DYSF: variants seen among roughly 807,000 people sequenced by gnomAD.
DYSF encodes the protein dystrophy-associated fer-1-like 1.
A neutral mutation model predicts 274.9 loss-of-function variants in DYSF; 212 were observed. That is an observed-to-expected ratio of 0.77 (90% CI 0.69 to 0.86). DYSF has a LOEUF of 0.86. DYSF is among the 40% of genes least tolerant of loss of function. The pLI is 0.00. For synonymous variants in DYSF, 1,091 were observed against 1,078.7 expected, an observed-to-expected ratio of 1.01 and a Z score of -0.22; for missense variants, 2,666 against 2,783.2, an observed-to-expected ratio of 0.96 and a Z score of 0.95.
intron 1 of DYSF, among the ~76,000 whole-genome samples, chr2:71,474,825 T>C (rs1390515606): frequency 6.6e-6 from 1 of 152,090 alleles, no homozygotes. Context: ...TATCGCTCAG[T>C]TAAGGAAGCC....
chr2:71,460,554 G>C (rs755946108), intron 1 of DYSF, among the ~76,000 whole-genome samples: 1 of 152,118 alleles, frequency 6.6e-6, no homozygotes, highest in Non-Finnish European at 1.5e-5. Flanking sequence ...ATGTCCCCTC[G>C]GGAGGAAGCC....
At chr2:71,472,954 C>T (rs2082143018) in intron 1 of DYSF, among the ~76,000 whole-genome samples, 1 of 152,124 alleles carries the variant, frequency 6.6e-6, no homozygotes, top group Non-Finnish European at 1.5e-5. Flanking sequence ...ATATCTTCCC[C>T]AGTTCTAATG....
intron 52 of DYSF, among the ~76,000 whole-genome samples, chr2:71,678,352 A>G (rs1031144690): frequency 3.9e-5 from 6 of 152,228 alleles, no homozygotes; most frequent in African/African-American, 9.6e-5. Flanking sequence ...TAAAAAAAAT[A>G]CAGATTAAAA....
chr2:71,575,509 T>G (rs1488416051), intron 30 of DYSF, among the ~76,000 whole-genome samples: 1 of 151,870 alleles, frequency 6.6e-6, no homozygotes, highest in Non-Finnish European at 1.5e-5. Flanking sequence ...CAGGATAGGA[T>G]GGAATTGCTG....
At chr2:71,685,757 T>A (rs2095349138) in intron 55 of DYSF, among the ~76,000 whole-genome samples, 1 of 152,206 alleles carries the variant, frequency 6.6e-6, no homozygotes, top group Non-Finnish European at 1.5e-5. Context: ...CGGCTCTGTT[T>A]CCAGAGTTGG....
chr2:71,680,870 T>G, intron 53 of DYSF, 131 bp from the exon 54 acceptor site: 2 of 768,454 alleles, frequency 2.6e-6, no homozygotes, highest in South Asian at 3.1e-5. Context: ...GGTGCTGCTT[T>G]TATGTTCAGA....
intron 40 of DYSF, among the ~76,000 whole-genome samples, chr2:71,614,982 C>A (rs1290975134): frequency 6.6e-6 from 1 of 152,178 alleles, no homozygotes; most frequent in Non-Finnish European, 1.5e-5. Context: ...GCTGCCTGCT[C>A]CTGGCTCCTG....
intron 40 of DYSF, among the ~76,000 whole-genome samples, chr2:71,618,473 A>AG (rs2093990114): frequency 1.5e-5 from 1 of 67,256 alleles, no homozygotes; most frequent in African/African-American, 5.9e-5. Flanking sequence ...TGTGTGGTAG[A>AG]GGTGTGTGTG....
At chr2:71,462,453 C>T (rs775792893), upstream of DYSF, among the ~76,000 whole-genome samples, 14 of 151,676 alleles carry the variant, frequency 9.2e-5, no homozygotes, top group East Asian at 1.9e-4. Context: ...AGTGCTGAAG[C>T]TTTATCTCGT....
chr2:71,677,316 C>T (rs758202152), intron 52 of DYSF, among the ~76,000 whole-genome samples: 9 of 152,140 alleles, frequency 5.9e-5, no homozygotes, highest in Non-Finnish European at 8.8e-5. Flanking sequence ...AACACCTTTG[C>T]ATGGTGTTTG....
chr2:71,601,474 C>T (rs376306530), intron 34 of DYSF, 25 bp from the exon 35 acceptor site: 2 of 1,614,146 alleles, frequency 1.2e-6, no homozygotes, highest in Non-Finnish European at 1.7e-6. Context: ...AGCACATGAC[C>T]AGAGCTCTCT....
In DYSF at chr2:71,562,181, G is replaced by A. The variant is rs60769782; in HGVS notation, c.2409+237G>A. 5.8e-3 allele frequency among the ~76,000 whole-genome samples: 887 copies of A among 152,280 alleles called. 16 individuals are homozygous for A. Among genetic ancestry groups the A allele is most frequent in the African/African-American group, 0.02 (847 of 41,560 alleles). ...CCAGCACAGAGCCTGGCACACAATAGGTAACTAATAAATGCCCTCTGTTTG... is the reference window on the plus strand; with the variant it reads ...CCAGCACAGAGCCTGGCACACAATAAGTAACTAATAAATGCCCTCTGTTTG... On this transcript the variant is annotated intron_variant, in intron 23 of 55. Transcript: ENST00000410020.
chr2:71,550,185 A>G lies in DYSF; in HGVS notation c.1577-856A>G, dbSNP rs1009219000. Among the ~76,000 whole-genome samples, 4 of 152,152 alleles carry G rather than the reference A, an allele frequency of 2.6e-5. No individual in the cohort carries two copies. The South Asian group carries it at 6.2e-4, about 24-fold the overall frequency. On this transcript the variant is annotated intron_variant, in intron 17 of 55. Coordinates refer to ENST00000410020, the MANE Select transcript of DYSF (RefSeq NM_001130987.2). The stretch of plus-strand genomic sequence containing the variant: ...TTCTACCTTTGGCATTTTGGAAACA[A>G]CCTCTTCCCCATTCCTCTGAAAGGG...
Position 71,590,262 on chromosome 2 carries a change from C to T in DYSF, c.3548C>T (p.Ala1183Val). 1.2e-6 allele frequency: 2 copies of T among 1,614,156 alleles called. No individual in the cohort carries two copies. The highest frequency in any genetic ancestry group is 1.7e-6 in the Non-Finnish European group (2 of 1,180,026). Residue 1183 changes from alanine (A) to valine (V), a missense_variant, in exon 32 of 56, where the codon GCT (alanine) becomes GTT (valine). Physicochemically the swap from Ala to Val is moderately conservative, Grantham distance 64. Transcript: ENST00000410020. ...TACATGTACCAGGCCCGGGACCTGGCTGCGATGGACAAGGACTCTTTTTCT... is the reference window on the plus strand; with the variant it reads ...TACATGTACCAGGCCCGGGACCTGGTTGCGATGGACAAGGACTCTTTTTCT... ...RCYMYQARDL[A>V]AMDKDSFSDP...
chr2:71,620,263 G>A (rs1045117268), intron 40 of DYSF, among the ~76,000 whole-genome samples: 2 of 152,192 alleles, frequency 1.3e-5, no homozygotes, highest in African/African-American at 2.4e-5. Flanking sequence ...CTTGTGCTGG[G>A]CGTGCACAGC....
At chr2:71,633,860 T>C (rs1394843610) in intron 41 of DYSF, among the ~76,000 whole-genome samples, 1 of 152,194 alleles carries the variant, frequency 6.6e-6, no homozygotes. Flanking sequence ...TGTCTCCTGC[T>C]TCCTGACTTC....
chr2:71,602,888 T>G, intron 36 of DYSF, 83 bp downstream of exon 36: 1 of 1,531,964 alleles, frequency 6.5e-7, no homozygotes, highest in South Asian at 1.1e-5. Context: ...CCTGGAGCCT[T>G]CCAGGTTCCT....
upstream of DYSF, among the ~76,000 whole-genome samples, chr2:71,466,222 C>T (rs2081520445): frequency 6.6e-6 from 1 of 152,164 alleles, no homozygotes. Context: ...GCGGGGGGCT[C>T]GGGGTGCACG....
At position 71,466,910 on chromosome 2, in the gene DYSF, C is replaced by G. The variant is rs1387187109; in HGVS notation, c.68C>G (p.Pro23Arg). 5 of 1,550,056 alleles carry G rather than the reference C, an allele frequency of 3.2e-6. No individual in the cohort carries two copies. The East Asian group carries it at 1.2e-4, about 38-fold the overall frequency. Residue 23 changes from proline to arginine, a missense_variant, in exon 1 of 56, where the codon CCT (proline) becomes CGT (arginine). This residue lies in a region of DYSF where 794 missense variants were observed against 777.1 expected (regional missense o/e 1.02). Transcript: ENST00000410020. The stretch of plus-strand genomic sequence containing the variant: ...GCGAAGAAGGACCGGCGCAGCGACC[C>G]TGTCGCAAGCCTGACTTTCCGAGGT... Reference protein sequence around the residue: ...PSAKKDRRSDPVASLTFRGVK... With the variant: ...PSAKKDRRSDRVASLTFRGVK...
Sources: gnomAD v4.1 joint callset for allele counts (sites outside exome capture counted in the v4.1 genomes callset) on GRCh38, gnomAD v4.1.1 for gene constraint, gnomAD v4.1.1 regional missense constraint, MANE v1.5 for transcripts, NCBI Gene and HGNC (gene_info 2026-07-23, HGNC 2026-07-21) for gene names.